RAB7A: variants seen among roughly 807,000 people sequenced by gnomAD.
RAB7A encodes the protein ras-related protein Rab-7a.
In RAB7A, 2 loss-of-function variants were observed where a neutral mutation model predicts 24.5. The observed-to-expected ratio is 0.08, with a 90% CI of 0.03 to 0.26. The LOEUF is 0.26. Among genes scored for constraint, RAB7A ranks in the 10% least tolerant of loss-of-function variants. The pLI is 1.00. For synonymous variants in RAB7A, 100 were observed against 95.9 expected (o/e 1.04, Z -0.25); for missense variants, 118 against 255.7 (o/e 0.46, Z 3.67).
intron 5 of RAB7A, among the ~76,000 whole-genome samples, chr3:128,810,106 G>A (rs1576305270): frequency 6.6e-6 from 1 of 151,322 alleles, no homozygotes; most frequent in African/African-American, 2.4e-5. Context: ...CCGCCACCAT[G>A]CCCAGCTAAT....
In RAB7A at chr3:128,795,711, C is replaced by T. The variant is rs79642257; in HGVS notation, c.53+291C>T. On this transcript the variant is annotated intron_variant, in intron 2 of 5. Transcript: ENST00000265062. ...TGGCCAGGCTGGGGAGTCTTCCTTA[C>T]GTAGATGTATTGCCATTGGCATCTG... is the stretch of plus-strand genomic sequence containing the variant. Among the ~76,000 whole-genome samples the T allele has an allele frequency of 3.7e-4, 52 of 142,048 alleles. No homozygotes were observed. The East Asian group carries it at 0.01, about 27-fold the overall frequency. The allele number at this position is 142,048 out of a possible 152,430, so 93.2% of individuals were successfully genotyped here.
At chr3:128,767,824 C>T (rs1007677828) in intron 1 of RAB7A, among the ~76,000 whole-genome samples, 2 of 152,194 alleles carry the variant, frequency 1.3e-5, no homozygotes, top group Non-Finnish European at 2.9e-5. Context: ...GTCATCCCCT[C>T]AGATAGATAT....
At chr3:128,799,392 A>G (rs140656537) in intron 3 of RAB7A, among the ~76,000 whole-genome samples, 87 of 152,292 alleles carry the variant, frequency 5.7e-4, no homozygotes, top group African/African-American at 2.0e-3. Context: ...GGAAACTTCT[A>G]TCTCCATGGC....
intron 3 of RAB7A, among the ~76,000 whole-genome samples, chr3:128,803,079 G>C (rs529428507): frequency 1.3e-5 from 2 of 152,288 alleles, no homozygotes; most frequent in South Asian, 4.1e-4. Context: ...CAAAGTCCTG[G>C]GATTACAGGC....
At chr3:128,792,817 TTTTATTTATTTATTTATTTA>T (rs71618167) in intron 1 of RAB7A, among the ~76,000 whole-genome samples, 3 of 137,436 alleles carry the variant, frequency 2.2e-5, no homozygotes, top group African/African-American at 5.4e-5. Flanking sequence ...CCGAGCTAAT[TTTTATTTATTTATTTATTTA>T]TTTATTTATT....
In RAB7A at chr3:128,800,704, A is replaced by G. The variant is rs547659629; in HGVS notation, c.180+2635A>G. Among the ~76,000 whole-genome samples the G allele has an allele frequency of 6.6e-5, 10 of 152,336 alleles. No individual in the cohort carries two copies. In the South Asian group the frequency reaches 2.1e-3, roughly 32 times the overall value. ...AGCAGAGCCCAGCAGGCAGTGGGGT[A>G]TGTTGGGAAAGAGACGGGCAGCACA... On this transcript the variant is annotated intron_variant, in intron 3 of 5. Transcript: ENST00000265062.
At chr3:128,745,511 G>A (rs1435558850) in intron 1 of RAB7A, among the ~76,000 whole-genome samples, 1 of 152,026 alleles carries the variant, frequency 6.6e-6, no homozygotes, top group African/African-American at 2.4e-5. Flanking sequence ...TTACAGGTGC[G>A]CGCACCACCA....
intron 1 of RAB7A, among the ~76,000 whole-genome samples, chr3:128,780,799 C>T (rs1026437115): frequency 6.6e-6 from 1 of 152,146 alleles, no homozygotes; most frequent in Admixed American, 6.6e-5. Context: ...CCTATGTGGT[C>T]ACTGCAAAAC....
intron 1 of RAB7A, among the ~76,000 whole-genome samples, chr3:128,769,395 T>A (rs1328227229): frequency 6.6e-6 from 1 of 152,222 alleles, no homozygotes; most frequent in African/African-American, 2.4e-5. Context: ...CCCTAAAGAT[T>A]AGCAGTGTTG....
intron 1 of RAB7A, among the ~76,000 whole-genome samples, chr3:128,747,675 C>T (rs1374395319): frequency 3.3e-5 from 5 of 151,736 alleles, no homozygotes; most frequent in Admixed American, 2.0e-4. Context: ...ATTTCTTGGC[C>T]TCAGCTGTCC....
chr3:128,731,998 C>T (rs1393695392), intron 1 of RAB7A, among the ~76,000 whole-genome samples: 23 of 141,320 alleles, frequency 1.6e-4, no homozygotes, highest in African/African-American at 6.0e-4. Context: ...AGCAAGATTC[C>T]ATCTCAAAAA....
At chr3:128,788,863 G>C (rs1324648800) in intron 1 of RAB7A, among the ~76,000 whole-genome samples, 1 of 152,136 alleles carries the variant, frequency 6.6e-6, no homozygotes, top group East Asian at 1.9e-4. Context: ...ACCTGCTCAT[G>C]TTTCCTTATT....
intron 4 of RAB7A, among the ~76,000 whole-genome samples, chr3:128,806,807 G>A (rs994125522): frequency 5.2e-4 from 79 of 152,290 alleles, no homozygotes; most frequent in African/African-American, 1.8e-3. Context: ...TGTGACTTTG[G>A]GCCATTGTCT....
chr3:128,801,418 A>G (rs1933695624), intron 3 of RAB7A, among the ~76,000 whole-genome samples: 1 of 152,292 alleles, frequency 6.6e-6, no homozygotes, highest in Admixed American at 6.5e-5. Context: ...CCTTTTGATG[A>G]GTAGGTTTGT....
intron 1 of RAB7A, among the ~76,000 whole-genome samples, chr3:128,775,168 A>G (rs1290797427): frequency 1.3e-5 from 2 of 152,170 alleles, no homozygotes; most frequent in Non-Finnish European, 2.9e-5. Context: ...CTTTGATTGG[A>G]GAATAGCAGT....
chr3:128,801,627 C>T (rs1017305428), intron 3 of RAB7A, among the ~76,000 whole-genome samples: 1 of 151,844 alleles, frequency 6.6e-6, no homozygotes, highest in East Asian at 1.9e-4. Context: ...AGCAGATTGG[C>T]CACACCAGAA....
intron 1 of RAB7A, among the ~76,000 whole-genome samples, chr3:128,788,221 A>G (rs542484820): frequency 6.6e-6 from 1 of 152,354 alleles, no homozygotes; most frequent in Non-Finnish European, 1.5e-5. Context: ...GTCCCAAAGC[A>G]CAAGATGCTG....
chr3:128,798,222 G>A, intron 3 of RAB7A, 153 bp downstream of exon 3: 1 of 924,960 alleles, frequency 1.1e-6, no homozygotes. Flanking sequence ...TTGAATTTCA[G>A]ATCAATAGTG....
At chr3:128,754,728 TA>T (rs953616737) in intron 1 of RAB7A, among the ~76,000 whole-genome samples, 1 of 152,108 alleles carries the variant, frequency 6.6e-6, no homozygotes, top group Non-Finnish European at 1.5e-5. Context: ...CTTCATATAG[TA>T]ACCAAAAGAG....
Sources: gnomAD v4.1 joint callset for allele counts (sites outside exome capture counted in the v4.1 genomes callset) on GRCh38, gnomAD v4.1.1 for gene constraint, MANE v1.5 for transcripts, NCBI Gene and HGNC (gene_info 2026-07-23, HGNC 2026-07-21) for gene names.